The following GRIA1 variants were observed in gnomAD, a reference collection of about 807,000 sequenced individuals.
GRIA1 encodes the protein glutamate receptor 1.
Under a neutral mutation model 99.2 loss-of-function variants are expected in GRIA1, and 31 were observed. The observed-to-expected ratio is 0.31, with a 90% CI of 0.23 to 0.42. The LOEUF is 0.42. Ranked by LOEUF, GRIA1 falls within the 10% of genes least tolerant of loss-of-function variation. GRIA1 has a pLI of 1.00. For missense variants in GRIA1, 782 were observed against 1,157.5 expected, an observed-to-expected ratio of 0.68 and a Z score of 4.71; for synonymous variants, 438 against 432.4, an observed-to-expected ratio of 1.01 and a Z score of -0.16.
At chr5:153,736,830 T>C (rs1283702261) in intron 11 of GRIA1, among the ~76,000 whole-genome samples, 2 of 152,182 alleles carry the variant, frequency 1.3e-5, no homozygotes, top group Non-Finnish European at 2.9e-5. Context: ...TCAATCAAAC[T>C]CCATCTCTCC....
At chr5:153,523,057 C>T (rs1209089002) in intron 2 of GRIA1, among the ~76,000 whole-genome samples, 1 of 128,634 alleles carries the variant, frequency 7.8e-6, no homozygotes, top group Non-Finnish European at 1.7e-5. Flanking sequence ...AATGATCCAT[C>T]TTGCAGACCT....
intron 1 of GRIA1, among the ~76,000 whole-genome samples, chr5:153,492,001 A>G (rs1753958819): frequency 6.6e-6 from 1 of 152,178 alleles, no homozygotes; most frequent in Non-Finnish European, 1.5e-5. Context: ...TGTGACCAGC[A>G]TGTCAGTGTC....
At chr5:153,625,117 A>G (rs1767469278) in intron 2 of GRIA1, among the ~76,000 whole-genome samples, 1 of 149,920 alleles carries the variant, frequency 6.7e-6, no homozygotes, top group Admixed American at 6.6e-5. Flanking sequence ...TTTTTTTTTT[A>G]GCAATATTGC....
chr5:153,667,848 A>G (rs1185001244), intron 5 of GRIA1, among the ~76,000 whole-genome samples: 2 of 152,230 alleles, frequency 1.3e-5, no homozygotes, highest in Non-Finnish European at 2.9e-5. Context: ...TGTAGTGTTA[A>G]ACACCTCTTT....
Position 153,656,362 on chromosome 5 carries a change from A to G in GRIA1, c.699+490A>G, listed in dbSNP as rs552420528. Among the ~76,000 whole-genome samples the G allele has an allele frequency of 2.3e-5, 3 of 133,182 alleles. No individual in the cohort carries two copies. In the East Asian group the frequency reaches 6.5e-4, roughly 29 times the overall value. 87.4% of individuals were successfully genotyped at this position (133,182 alleles called of 152,430 possible). ...CCATTTAGTTTATATTCACTTTTCT[A>G]TATGGCATAGATAAGTTTGTTTATA... is the stretch of plus-strand genomic sequence containing the variant. On this transcript the variant is annotated intron_variant, in intron 5 of 15. Transcript: ENST00000285900.
chr5:153,551,455 C>G lies in GRIA1; in HGVS notation c.220+57390C>G, dbSNP rs1032416777. Among the ~76,000 whole-genome samples the G allele has an allele frequency of 3.9e-5, 6 of 151,994 alleles. No individual in the cohort carries two copies. The East Asian group carries it at 1.2e-3, about 29-fold the overall frequency. The stretch of plus-strand genomic sequence containing the variant: ...AGAAACTGCATCTTTCATGTGACCA[C>G]TCTCCATTTTTCTGCTCATATGACC... On this transcript the variant is annotated intron_variant, in intron 2 of 15. Transcript: ENST00000285900.
intron 11 of GRIA1, among the ~76,000 whole-genome samples, chr5:153,731,363 G>C (rs920482360): frequency 1.3e-5 from 2 of 151,676 alleles, no homozygotes; most frequent in Non-Finnish European, 2.9e-5. Context: ...ATTCCATGCT[G>C]TCTCTCTAAT....
At chr5:153,609,497 G>A (rs1184582001) in intron 2 of GRIA1, among the ~76,000 whole-genome samples, 2 of 150,748 alleles carry the variant, frequency 1.3e-5, no homozygotes, top group African/African-American at 4.9e-5. Context: ...TGTCCAGCTA[G>A]CCTCCTTCTC....
At chr5:153,489,835 T>C, upstream of GRIA1, 2 of 456,300 alleles carry the variant, frequency 4.4e-6, no homozygotes, top group South Asian at 1.5e-5. Flanking sequence ...GTAATTGCTC[T>C]GTGTAAGTAT....
intron 11 of GRIA1, among the ~76,000 whole-genome samples, chr5:153,751,892 C>T (rs1158851664): frequency 2.0e-5 from 3 of 152,150 alleles, no homozygotes; most frequent in Non-Finnish European, 4.4e-5. Context: ...AGACCATGTC[C>T]GAATTCATTT....
intron 11 of GRIA1, among the ~76,000 whole-genome samples, chr5:153,715,755 T>C (rs1759623549): frequency 6.6e-6 from 1 of 152,328 alleles, no homozygotes; most frequent in African/African-American, 2.4e-5. Context: ...TTGAGACTGG[T>C]AGACTCATTT....
intron 13 of GRIA1, among the ~76,000 whole-genome samples, chr5:153,792,780 CAG>C (rs1415649592): frequency 6.6e-6 from 1 of 151,912 alleles, no homozygotes; most frequent in African/African-American, 2.4e-5. Context: ...GAAGAAGAAA[CAG>C]AGAGAGAAAG....
chr5:153,504,099 G>A (rs1477981910), intron 2 of GRIA1, among the ~76,000 whole-genome samples: 1 of 152,078 alleles, frequency 6.6e-6, no homozygotes. Context: ...GCTCATTTCT[G>A]AATATGACAC....
intron 15 of GRIA1, among the ~76,000 whole-genome samples, chr5:153,807,128 C>T (rs1042507296): frequency 6.6e-6 from 1 of 152,190 alleles, no homozygotes; most frequent in Admixed American, 6.5e-5. Context: ...TATTTAAACC[C>T]TTGCTGGGTG....
rs372055230 is a variant in GRIA1, at chr5:153,650,308, C to T, written c.461-22C>T. The T allele has an allele frequency of 2.9e-5, 47 of 1,606,122 alleles. No homozygotes were observed. In the South Asian group the frequency reaches 4.8e-4, roughly 16 times the overall value. Reference sequence around the variant, plus strand: ...CAAATCCTGACTGTCTGTCATTTCTCTTCTACTCATCTGAACTTTAGGCTT... The same window carrying T: ...CAAATCCTGACTGTCTGTCATTTCTTTTCTACTCATCTGAACTTTAGGCTT... On this transcript the variant is annotated intron_variant, in intron 3 of 15. Coordinates refer to ENST00000285900, the MANE Select transcript of GRIA1 (RefSeq NM_000827.4).
At chr5:153,582,310 A>G (rs764347607) in intron 2 of GRIA1, among the ~76,000 whole-genome samples, 1 of 152,182 alleles carries the variant, frequency 6.6e-6, no homozygotes, top group Admixed American at 6.5e-5. Context: ...GGTAATGTTC[A>G]TGGATCCCTA....
At chr5:153,489,640 T>G (rs1322715434), upstream of GRIA1, 1 of 270,016 alleles carries the variant, frequency 3.7e-6, no homozygotes, top group Non-Finnish European at 7.4e-6. Flanking sequence ...TGGCGGCTAG[T>G]GGCTGCTGCT....
chr5:153,522,618 C>G (rs1287614317), intron 2 of GRIA1, among the ~76,000 whole-genome samples: 3 of 152,088 alleles, frequency 2.0e-5, no homozygotes, highest in African/African-American at 7.2e-5. Context: ...TCCTTAGGGA[C>G]CCAAGCTGAA....
chr5:153,613,259 G>A (rs529773775), intron 2 of GRIA1, among the ~76,000 whole-genome samples: 1 of 152,240 alleles, frequency 6.6e-6, no homozygotes, highest in South Asian at 2.1e-4. Flanking sequence ...CTCAACACCA[G>A]CTTTCAGGCA....
Sources: gnomAD v4.1 joint callset for allele counts (sites outside exome capture counted in the v4.1 genomes callset) on GRCh38, gnomAD v4.1.1 for gene constraint, MANE v1.5 for transcripts, NCBI Gene and HGNC (gene_info 2026-07-23, HGNC 2026-07-21) for gene names.